The following SNTB2 variants were observed in gnomAD, a reference collection of about 807,000 sequenced individuals.
SNTB2 encodes the protein beta-2-syntrophin.
A neutral mutation model predicts 46.2 loss-of-function variants in SNTB2; 34 were observed. The ratio of observed to expected loss-of-function variants is 0.74; its 90% CI spans 0.56 to 0.98. The LOEUF (loss-of-function observed/expected upper bound fraction) is 0.98. Ranked by LOEUF, SNTB2 falls within the 50% of genes least tolerant of loss-of-function variation. The pLI, the probability that SNTB2 is intolerant of heterozygous loss-of-function variation, is 0.00. For synonymous variants in SNTB2, 290 were observed against 312.6 expected, an observed-to-expected ratio of 0.93 and a Z score of 0.76; for missense variants, 603 against 731.4, an observed-to-expected ratio of 0.82 and a Z score of 2.02.
intron 6 of SNTB2, 72 bp downstream of exon 6, chr16:69,299,846 A>G (rs1026948895): frequency 2.1e-5 from 31 of 1,460,322 alleles, no homozygotes; most frequent in Non-Finnish European, 2.8e-5. Flanking sequence ...CTTACCCCTT[A>G]TATACAAAGT....
chr16:69,296,316 A>G (rs1231859290), intron 5 of SNTB2, among the ~76,000 whole-genome samples: 2 of 152,100 alleles, frequency 1.3e-5, no homozygotes, highest in African/African-American at 4.8e-5. Flanking sequence ...AACAAGCTCA[A>G]TATCTAGACC....
intron 1 of SNTB2, among the ~76,000 whole-genome samples, chr16:69,232,697 A>T (rs1346923902): frequency 1.3e-5 from 2 of 150,234 alleles, no homozygotes; most frequent in African/African-American, 2.5e-5. Context: ...TTTTTAGTAG[A>T]GATGGGGTTT....
At chr16:69,261,933 G>T (rs1156516330) in intron 3 of SNTB2, among the ~76,000 whole-genome samples, 1 of 152,164 alleles carries the variant, frequency 6.6e-6, no homozygotes, top group East Asian at 1.9e-4. Context: ...ATGAGGCAGG[G>T]TGTGGTGGCT....
intron 5 of SNTB2, among the ~76,000 whole-genome samples, chr16:69,289,742 C>T (rs915416673): frequency 6.6e-6 from 1 of 151,912 alleles, no homozygotes; most frequent in Admixed American, 6.6e-5. Context: ...GGCAACATGG[C>T]GAAACCCCGT....
At chr16:69,297,660 C>T (rs1310255531) in intron 5 of SNTB2, among the ~76,000 whole-genome samples, 3 of 151,340 alleles carry the variant, frequency 2.0e-5, no homozygotes, top group Admixed American at 6.6e-5. Context: ...GCCTATAATC[C>T]CCACACTTTG....
intron 1 of SNTB2, among the ~76,000 whole-genome samples, chr16:69,225,020 G>A (rs1964445724): frequency 6.6e-6 from 1 of 152,192 alleles, no homozygotes; most frequent in East Asian, 1.9e-4. Flanking sequence ...ATGTAAGAAT[G>A]AAGAGGGAAA....
At chr16:69,195,820 T>G (rs1007626254) in intron 1 of SNTB2, among the ~76,000 whole-genome samples, 14 of 152,322 alleles carry the variant, frequency 9.2e-5, no homozygotes, top group African/African-American at 3.1e-4. Context: ...TGATGGAGAC[T>G]GCAATCTAGA....
chr16:69,289,042 C>A (rs1019488403), intron 5 of SNTB2, among the ~76,000 whole-genome samples: 1 of 151,304 alleles, frequency 6.6e-6, no homozygotes, highest in African/African-American at 2.4e-5. Context: ...GGCCGAGGCG[C>A]GCGGATCACC....
At chr16:69,198,118 T>G (rs112215028) in intron 1 of SNTB2, among the ~76,000 whole-genome samples, 15,822 of 134,902 alleles carry the variant, frequency 0.12, 810 homozygotes, top group Non-Finnish European at 0.14. Flanking sequence ...TTTTTTTTTT[T>G]GGGGGGTAGG....
At chr16:69,210,363 A>G (rs1964270600) in intron 1 of SNTB2, among the ~76,000 whole-genome samples, 1 of 149,658 alleles carries the variant, frequency 6.7e-6, no homozygotes, top group South Asian at 2.1e-4. Flanking sequence ...TCGGCCTCCC[A>G]AGTAGCTGGG....
At chr16:69,225,090 G>T (rs1304599118) in intron 1 of SNTB2, among the ~76,000 whole-genome samples, 2 of 152,080 alleles carry the variant, frequency 1.3e-5, no homozygotes, top group African/African-American at 4.8e-5. Context: ...CTGCCTATTT[G>T]GTCTGAAAAG....
At chr16:69,233,679 C>T (rs191048543) in intron 1 of SNTB2, among the ~76,000 whole-genome samples, 456 of 152,130 alleles carry the variant, frequency 3.0e-3, no homozygotes, top group Middle Eastern at 6.8e-3. Context: ...GTTAACTAAA[C>T]TAAGTTCCCT....
chr16:69,293,602 G>A (rs1597204202), intron 5 of SNTB2, among the ~76,000 whole-genome samples: 1 of 152,256 alleles, frequency 6.6e-6, no homozygotes, highest in East Asian at 1.9e-4. Flanking sequence ...ATATGAAGAG[G>A]AGGAGAGAGG....
intron 1 of SNTB2, among the ~76,000 whole-genome samples, chr16:69,193,995 T>A (rs1389962183): frequency 1.3e-5 from 2 of 152,246 alleles, no homozygotes; most frequent in African/African-American, 4.8e-5. Context: ...TATTTTGGCA[T>A]ATGGTATGCA....
chr16:69,241,366 TG>T lies in SNTB2; in HGVS notation c.581-4232del, dbSNP rs569584524. Among the ~76,000 whole-genome samples, 40 of 149,326 alleles carry T rather than the reference TG, an allele frequency of 2.7e-4. No individual in the cohort carries two copies. In the South Asian group the frequency reaches 8.3e-3, roughly 31 times the overall value. Reference sequence around the variant, plus strand: ...AAATTTTTATATTTTTTAGTAGAGATGGGGTTTCACCATCTTGGCCAGACTG... The same window carrying T: ...AAATTTTTATATTTTTTAGTAGAGATGGGTTTCACCATCTTGGCCAGACTG... On this transcript the variant is annotated intron_variant, in intron 1 of 6. Coordinates refer to ENST00000336278, the MANE Select transcript of SNTB2 (RefSeq NM_006750.4).
intron 5 of SNTB2, among the ~76,000 whole-genome samples, chr16:69,298,208 G>A (rs1035964354): frequency 2.6e-5 from 4 of 152,132 alleles, no homozygotes; most frequent in African/African-American, 7.2e-5. Context: ...GCCTCCCAGA[G>A]TGCTGGGATT....
Position 69,307,518 on chromosome 16 carries a change from CTTCT to C in SNTB2, c.*6597_*6600del, listed in dbSNP as rs1304417961. ...ATGAGAAAGTCTTTCTTAAAAAATG[CTTCT>C]TTAACTGTAACAGCAAAACTAAATG... On this transcript the variant is annotated 3_prime_UTR_variant, in exon 7 of 7. Transcript: ENST00000336278. 1 of 147,878 alleles carries C rather than the reference CTTCT, an allele frequency of 6.8e-6. No homozygotes were observed. The highest frequency in any genetic ancestry group is 1.5e-5 in the Non-Finnish European group (1 of 65,536). The allele number at this position is 147,878 out of a possible 1,614,324, so 9.2% of individuals were successfully genotyped here. A position where few individuals can be genotyped will look rare whatever the true frequency, so the allele number is the denominator to read the frequency against.
chr16:69,197,066 CAT>C (rs540944659), intron 1 of SNTB2, among the ~76,000 whole-genome samples: 1 of 151,696 alleles, frequency 6.6e-6, no homozygotes, highest in Non-Finnish European at 1.5e-5. Context: ...TTAATCAACT[CAT>C]ATTGAATAAC....
chr16:69,266,246 C>T (rs985354067), intron 3 of SNTB2, among the ~76,000 whole-genome samples: 11 of 152,144 alleles, frequency 7.2e-5, no homozygotes, highest in African/African-American at 2.7e-4. Context: ...CGCCTGTAAT[C>T]CCGGCTACTC....
Sources: gnomAD v4.1 joint callset for allele counts (sites outside exome capture counted in the v4.1 genomes callset) on GRCh38, gnomAD v4.1.1 for gene constraint, MANE v1.5 for transcripts, NCBI Gene and HGNC (gene_info 2026-07-23, HGNC 2026-07-21) for gene names.